PTPRD: variants seen among roughly 807,000 people sequenced by gnomAD.
PTPRD encodes receptor-type tyrosine-protein phosphatase delta.
In PTPRD, 34 loss-of-function variants were observed where a neutral mutation model predicts 214.5. That is an observed-to-expected ratio of 0.16 (90% CI 0.12 to 0.21). PTPRD has a LOEUF of 0.21. PTPRD is among the 10% of genes least tolerant of loss of function. The pLI, the probability that PTPRD is intolerant of heterozygous loss-of-function variation, is 1.00. For synonymous variants in PTPRD, 1,128 were observed against 845.7 expected, an observed-to-expected ratio of 1.33 and a Z score of -5.79; for missense variants, 2,545 against 2,398.7, an observed-to-expected ratio of 1.06 and a Z score of -1.27.
intron 4 of PTPRD, among the ~76,000 whole-genome samples, chr9:10,030,000 A>C (rs931029681): frequency 1.3e-5 from 2 of 152,006 alleles, no homozygotes; most frequent in African/African-American, 4.8e-5. Context: ...GTCTCATAAG[A>C]TCTGATGGTT....
At chr9:9,083,743 GA>G (rs1354540587) in intron 10 of PTPRD, among the ~76,000 whole-genome samples, 1 of 152,020 alleles carries the variant, frequency 6.6e-6, no homozygotes, top group Non-Finnish European at 1.5e-5. Flanking sequence ...GTGGGCTAAA[GA>G]TTTGAATAGA....
intron 8 of PTPRD, among the ~76,000 whole-genome samples, chr9:9,565,495 A>G (rs1792547246): frequency 6.6e-6 from 1 of 151,962 alleles, no homozygotes; most frequent in South Asian, 2.1e-4. Context: ...TGAATGCAGA[A>G]TGATGATGGA....
At chr9:8,446,270 A>G (rs1288596899) in intron 34 of PTPRD, among the ~76,000 whole-genome samples, 1 of 152,228 alleles carries the variant, frequency 6.6e-6, no homozygotes, top group Non-Finnish European at 1.5e-5. Flanking sequence ...AATGGGGAAT[A>G]TCGGGCAGAA....
At chr9:10,583,789 A>C (rs1217499565) in intron 2 of PTPRD, among the ~76,000 whole-genome samples, 2 of 152,082 alleles carry the variant, frequency 1.3e-5, no homozygotes. Flanking sequence ...CAGGTGTTCT[A>C]TATAGTTCAG....
chr9:8,715,225 C>T (rs528911783), intron 12 of PTPRD, among the ~76,000 whole-genome samples: 1 of 152,130 alleles, frequency 6.6e-6, no homozygotes, highest in Non-Finnish European at 1.5e-5. Flanking sequence ...ACAGCTACAT[C>T]GACCAATTAT....
intron 11 of PTPRD, among the ~76,000 whole-genome samples, chr9:8,944,108 T>A (rs1244897701): frequency 6.6e-6 from 1 of 151,844 alleles, no homozygotes; most frequent in Non-Finnish European, 1.5e-5. Flanking sequence ...GAATAGGTGG[T>A]TCTCAAAAAA....
chr9:10,277,246 T>TAAA (rs145152261), intron 3 of PTPRD, among the ~76,000 whole-genome samples: 1 of 148,118 alleles, frequency 6.8e-6, no homozygotes, highest in African/African-American at 2.5e-5. Flanking sequence ...AACATAAACA[T>TAAA]AAAAAAAAAA....
chr9:9,178,395 C>G (rs1465790254), intron 10 of PTPRD, among the ~76,000 whole-genome samples: 1 of 151,428 alleles, frequency 6.6e-6, no homozygotes, highest in Non-Finnish European at 1.5e-5. Flanking sequence ...TTCCTTCTTT[C>G]TATCAAAGGG....
chr9:9,468,383 C>A (rs2094363902), intron 8 of PTPRD, among the ~76,000 whole-genome samples: 1 of 151,966 alleles, frequency 6.6e-6, no homozygotes, highest in African/African-American at 2.4e-5. Context: ...ATGTAGTTAT[C>A]TTTGTATAGA....
At chr9:9,010,193 G>A (rs1312533052) in intron 11 of PTPRD, among the ~76,000 whole-genome samples, 1 of 152,160 alleles carries the variant, frequency 6.6e-6, no homozygotes, top group Admixed American at 6.6e-5. Flanking sequence ...CTAAAACAAT[G>A]TTAGAAAGTA....
intron 7 of PTPRD, among the ~76,000 whole-genome samples, chr9:9,716,179 G>A (rs891121019): frequency 6.6e-6 from 1 of 152,186 alleles, no homozygotes; most frequent in African/African-American, 2.4e-5. Context: ...CAAAGGACAT[G>A]AACTCATCAT....
rs185781397 is a variant in PTPRD at position 9,707,738 on chromosome 9, C to G, written c.-287+26795G>C. On this transcript the variant is annotated intron_variant, in intron 7 of 45. Coordinates refer to ENST00000381196, the MANE Select transcript of PTPRD (RefSeq NM_002839.4). ...CCCTTTCTTATAGTCACATCATGTA[C>G]GTTTATCTTATTTTTGATGATAGAG... Among the ~76,000 whole-genome samples, 14 of 152,076 alleles carry G rather than the reference C, an allele frequency of 9.2e-5. No homozygotes were observed. The East Asian group carries it at 2.5e-3, about 27-fold the overall frequency.
chr9:8,396,012 C>G (rs780915891), intron 36 of PTPRD, among the ~76,000 whole-genome samples: 5 of 151,948 alleles, frequency 3.3e-5, no homozygotes, highest in Non-Finnish European at 5.9e-5. Flanking sequence ...GTCCAATTAG[C>G]TTTATACTAA....
chr9:9,291,398 G>C (rs571336857), intron 9 of PTPRD, among the ~76,000 whole-genome samples: 2 of 151,404 alleles, frequency 1.3e-5, no homozygotes, highest in African/African-American at 4.8e-5. Flanking sequence ...CCTTGAAGAA[G>C]ATGCCCCCAA....
intron 4 of PTPRD, among the ~76,000 whole-genome samples, chr9:9,946,488 C>T (rs1487139638): frequency 6.6e-6 from 1 of 152,072 alleles, no homozygotes; most frequent in African/African-American, 2.4e-5. Flanking sequence ...AGAAAGAGTG[C>T]AGGGTTCAAT....
intron 7 of PTPRD, among the ~76,000 whole-genome samples, chr9:9,663,510 T>C (rs1314218604): frequency 6.6e-6 from 1 of 151,480 alleles, no homozygotes; most frequent in Non-Finnish European, 1.5e-5. Flanking sequence ...CATTGGTAGC[T>C]CAATCATAAG....
chr9:8,687,375 A>G (rs2097702680), intron 12 of PTPRD, among the ~76,000 whole-genome samples: 1 of 152,254 alleles, frequency 6.6e-6, no homozygotes, highest in South Asian at 2.1e-4. Context: ...CAGAAATAAA[A>G]CTATGGCATT....
chr9:10,540,655 C>T (rs1162070627), intron 2 of PTPRD, among the ~76,000 whole-genome samples: 4 of 152,086 alleles, frequency 2.6e-5, no homozygotes, highest in African/African-American at 7.2e-5. Context: ...GTAATGTGTT[C>T]CAAATCCACT....
In PTPRD at chr9:10,104,301, A is replaced by T. The variant is rs1052914798; in HGVS notation, c.-544-70511T>A. The stretch of plus-strand genomic sequence containing the variant: ...TAATGCCACGGAACTGTATAGTTAC[A>T]AATGGTTAAGGTGATAAATTTTATG... On this transcript the variant is annotated intron_variant, in intron 3 of 45. Transcript: ENST00000381196. Among the ~76,000 whole-genome samples the T allele has an allele frequency of 5.5e-4, 83 of 151,936 alleles. 1 individual carries two copies. Among genetic ancestry groups the T allele is most frequent in the Admixed American group, 4.5e-3 (68 of 15,210 alleles).
Sources: allele counts gnomAD v4.1 joint callset (sites outside exome capture counted in the v4.1 genomes callset), GRCh38; gene constraint gnomAD v4.1.1; transcripts MANE v1.5; gene names NCBI Gene and HGNC (gene_info 2026-07-23, HGNC 2026-07-21).